The following SYT14 variants were observed in gnomAD, a reference collection of about 807,000 sequenced individuals.
SYT14 encodes the protein synaptotagmin 14.
SYT14 carries 32 observed loss-of-function variants against 74.2 expected under a neutral mutation model. The observed-to-expected ratio is 0.43, with a 90% CI of 0.33 to 0.58. The LOEUF is 0.58. Among genes scored for constraint, SYT14 ranks in the 20% least tolerant of loss-of-function variants. The pLI is 0.05. For missense variants in SYT14, 791 were observed against 981.8 expected (o/e 0.81, Z 2.60); for synonymous variants, 298 against 337.7 (o/e 0.88, Z 1.29).
intron 2 of SYT14, among the ~76,000 whole-genome samples, chr1:209,957,628 T>C (rs1387516828): frequency 1.3e-5 from 2 of 152,100 alleles, no homozygotes; most frequent in Admixed American, 6.6e-5. Flanking sequence ...GGTTTCACCA[T>C]GTTGGCTGGG....
chr1:210,108,838 T>G (rs1021623671), intron 7 of SYT14, among the ~76,000 whole-genome samples: 1 of 151,944 alleles, frequency 6.6e-6, no homozygotes, highest in Admixed American at 6.6e-5. Context: ...AAGAAAGAGT[T>G]GTGAGAGGAG....
chr1:210,051,079 A>C (rs1327717229), intron 5 of SYT14, among the ~76,000 whole-genome samples: 3 of 152,192 alleles, frequency 2.0e-5, no homozygotes, highest in Non-Finnish European at 4.4e-5. Context: ...CCAGTACCAG[A>C]GTTCTTCCTC....
At chr1:210,142,862 T>C (rs755832218) in intron 7 of SYT14, among the ~76,000 whole-genome samples, 20 of 152,202 alleles carry the variant, frequency 1.3e-4, no homozygotes, top group Non-Finnish European at 2.5e-4. Flanking sequence ...AATTGCATTA[T>C]GGAAATATAG....
At chr1:210,156,109 T>G (rs1289979421) in intron 8 of SYT14, among the ~76,000 whole-genome samples, 199 bp downstream of exon 7, 4 of 152,176 alleles carry the variant, frequency 2.6e-5, no homozygotes, top group Non-Finnish European at 5.9e-5. Flanking sequence ...CATAGTAAGG[T>G]GACAACTTTT....
chr1:210,034,258 G>A (rs1376574084), intron 5 of SYT14, among the ~76,000 whole-genome samples: 1 of 151,668 alleles, frequency 6.6e-6, no homozygotes, highest in Non-Finnish European at 1.5e-5. Flanking sequence ...CACAGTGTCT[G>A]CCCTCAGAGC....
chr1:210,022,225 A>G (rs1030266818), intron 5 of SYT14, among the ~76,000 whole-genome samples: 4 of 152,184 alleles, frequency 2.6e-5, no homozygotes, highest in African/African-American at 9.6e-5. Context: ...AAGGGGGTAA[A>G]TCACCTATTG....
At chr1:209,984,359 A>G (rs531275720) in intron 2 of SYT14, among the ~76,000 whole-genome samples, 4 of 152,238 alleles carry the variant, frequency 2.6e-5, no homozygotes, top group South Asian at 2.1e-4. Flanking sequence ...TCGTTGCTCT[A>G]ATTGTCCAAC....
intron 5 of SYT14, among the ~76,000 whole-genome samples, chr1:210,073,824 G>T (rs559840867): frequency 3.4e-4 from 51 of 151,984 alleles, no homozygotes; most frequent in Middle Eastern, 6.8e-3. Context: ...CATTCAACAG[G>T]CCTTAAGCTG....
chr1:210,059,451 T>TATATATATATATATAGAG (rs377050610), intron 5 of SYT14, among the ~76,000 whole-genome samples: 94 of 69,878 alleles, frequency 1.3e-3, no homozygotes, highest in Non-Finnish European at 1.9e-3. Flanking sequence ...TATATATATA[T>TATATATATATATATAGAG]AGAGAGAGAG....
chr1:210,087,388 C>T lies in SYT14; in HGVS notation c.1313-6934C>T, dbSNP rs529833895. Among the ~76,000 whole-genome samples the T allele has an allele frequency of 2.0e-5, 3 of 152,332 alleles. No individual in the cohort carries two copies. In the East Asian group the frequency reaches 5.8e-4, roughly 29 times the overall value. On this transcript the variant is annotated intron_variant, in intron 5 of 9. Coordinates refer to ENST00000637265, the Ensembl canonical transcript of SYT14. ...CCTCCTGGATTTTCATAGCCCACCC[C>T]AGTCGCCTGGCTCTATAGCTCTGAT...
intron 7 of SYT14, among the ~76,000 whole-genome samples, chr1:210,141,502 T>G (rs1332887803): frequency 6.6e-6 from 1 of 152,238 alleles, no homozygotes; most frequent in African/African-American, 2.4e-5. Context: ...GTTCTGATTC[T>G]TCACTTCCAA....
chr1:210,125,564 G>A (rs571348716), intron 7 of SYT14, among the ~76,000 whole-genome samples: 81 of 152,180 alleles, frequency 5.3e-4, no homozygotes, highest in African/African-American at 1.7e-3. Flanking sequence ...TAGCTCCTTT[G>A]GGGGATCAGC....
At chr1:210,147,381 A>G (rs2083062778) in intron 7 of SYT14, among the ~76,000 whole-genome samples, 1 of 152,196 alleles carries the variant, frequency 6.6e-6, no homozygotes, top group Admixed American at 6.5e-5. Flanking sequence ...AAATACATAG[A>G]TCATCAGATT....
exon 10 of SYT14, chr1:210,167,939 C>A (rs943277389): frequency 6.6e-6 from 1 of 152,040 alleles, no homozygotes; most frequent in Non-Finnish European, 1.5e-5. Flanking sequence ...AAAAGTGATA[C>A]CCTGACTTTT....
exon 4 of SYT14, chr1:210,016,442 A>G: frequency 1.6e-6 from 2 of 1,232,110 alleles, no homozygotes; most frequent in South Asian, 8.2e-5. Flanking sequence ...GAAAGGCTAC[A>G]TGAATAATGG....
intron 7 of SYT14, among the ~76,000 whole-genome samples, chr1:210,122,324 C>T (rs2082484241): frequency 6.6e-6 from 1 of 152,170 alleles, no homozygotes; most frequent in Non-Finnish European, 1.5e-5. Context: ...TTATTTCTTA[C>T]TTATGCCACA....
At chr1:210,166,496 G>A (rs2083456846) in exon 10 of SYT14, 1 of 152,352 alleles carries the variant, frequency 6.6e-6, no homozygotes, top group African/African-American at 2.4e-5. Context: ...AGCCTGGCAA[G>A]TCAAGGCTGC....
intron 2 of SYT14, among the ~76,000 whole-genome samples, chr1:209,958,596 T>G (rs1358103761): frequency 1.3e-5 from 2 of 152,168 alleles, no homozygotes. Flanking sequence ...TTGCATTTTT[T>G]TAGATTTATG....
At chr1:210,159,946 A>AT (rs533774864) in intron 9 of SYT14, among the ~76,000 whole-genome samples, 120 of 152,224 alleles carry the variant, frequency 7.9e-4, no homozygotes, top group East Asian at 6.2e-3. Context: ...CATCACATCA[A>AT]TTTTTTTGTA....
Sources: allele counts gnomAD v4.1 joint callset (sites outside exome capture counted in the v4.1 genomes callset), GRCh38; gene constraint gnomAD v4.1.1; transcripts MANE v1.5; gene names NCBI Gene and HGNC (gene_info 2026-07-23, HGNC 2026-07-21).